Variants in WBP2NL observed in about 807,000 individuals in gnomAD.
WBP2NL encodes postacrosomal sheath WW domain-binding protein.
A neutral mutation model predicts 23.3 loss-of-function variants in WBP2NL; 27 were observed. That is an observed-to-expected ratio of 1.16 (90% CI 0.85 to 1.60). WBP2NL has a LOEUF of 1.60. WBP2NL is among the 40% of genes most tolerant of loss of function. WBP2NL has a pLI of 0.00. For synonymous variants in WBP2NL, 151 were observed against 145.9 expected, an observed-to-expected ratio of 1.03 and a Z score of -0.25; for missense variants, 370 against 389.5, an observed-to-expected ratio of 0.95 and a Z score of 0.42.
chr22:42,047,269 C>CAAAAAAAA (rs140516534), intron 8 of WBP2NL, among the ~76,000 whole-genome samples: 1 of 101,488 alleles, frequency 9.9e-6, no homozygotes, highest in Non-Finnish European at 2.0e-5. Flanking sequence ...TTTTCAAGCT[C>CAAAAAAAA]AAAAAAAAAA....
chr22:42,037,025 C>T (rs1427283626), downstream of WBP2NL, among the ~76,000 whole-genome samples: 1 of 151,798 alleles, frequency 6.6e-6, no homozygotes. Context: ...CAAGGTTTTC[C>T]CAATGTTTTC....
At chr22:42,022,102 T>G in intron 4 of WBP2NL, 147 bp from the exon 5 acceptor site, 3 of 667,288 alleles carry the variant, frequency 4.5e-6, no homozygotes, top group Non-Finnish European at 7.8e-6. Context: ...ACCCAGCCCA[T>G]GTTTCTTTTT....
chr22:42,049,265 A>T (rs780807673), intron 8 of WBP2NL, among the ~76,000 whole-genome samples: 1 of 152,204 alleles, frequency 6.6e-6, no homozygotes, highest in Non-Finnish European at 1.5e-5. Context: ...TAGTCTTCCC[A>T]AGTGGTACTA....
intron 1 of WBP2NL, among the ~76,000 whole-genome samples, chr22:42,010,162 T>C (rs1372574504): frequency 1.3e-5 from 2 of 152,262 alleles, no homozygotes; most frequent in Admixed American, 6.5e-5. Flanking sequence ...TATATGCTGC[T>C]ACTTTACTGA....
chr22:42,021,895 C>A (rs1490068516), intron 4 of WBP2NL, among the ~76,000 whole-genome samples: 1 of 151,176 alleles, frequency 6.6e-6, no homozygotes, highest in Non-Finnish European at 1.5e-5. Flanking sequence ...TTTCCAGGCT[C>A]AAGCAATCCT....
intron 1 of WBP2NL, chr22:42,001,532 C>T: frequency 1.9e-6 from 2 of 1,061,986 alleles, no homozygotes; most frequent in Admixed American, 3.5e-5. Flanking sequence ...TCCAGCTTTG[C>T]CCACATCAGC....
At chr22:42,042,937 C>T (rs1040166519) in intron 8 of WBP2NL, among the ~76,000 whole-genome samples, 5 of 147,374 alleles carry the variant, frequency 3.4e-5, no homozygotes, top group South Asian at 2.1e-4. Context: ...TGGTGGTATA[C>T]ACCTGTAGTC....
In WBP2NL at chr22:42,005,102, G is replaced by A. The variant is rs542358670; in HGVS notation, c.62+6222G>A. Among the ~76,000 whole-genome samples the A allele has an allele frequency of 2.0e-5, 3 of 150,438 alleles. No homozygotes were observed. In the East Asian group the frequency reaches 5.9e-4, roughly 30 times the overall value. On this transcript the variant is annotated intron_variant, in intron 1 of 5. Coordinates refer to ENST00000328823, the MANE Select transcript of WBP2NL (RefSeq NM_152613.3). ...CGTGGTGGTGCGTGCCTGTAATCCC[G>A]GCTACTCAGGAGGCTGAGGCAGGAG...
intron 1 of WBP2NL, among the ~76,000 whole-genome samples, chr22:42,013,229 G>T (rs1376143570): frequency 5.3e-5 from 8 of 151,558 alleles, no homozygotes; most frequent in Non-Finnish European, 1.2e-4. Context: ...AAAATTAGCT[G>T]GGTGTGGTGG....
At chr22:42,018,460 GGAGA>G (rs1324964861) in intron 1 of WBP2NL, among the ~76,000 whole-genome samples, 1 of 147,268 alleles carries the variant, frequency 6.8e-6, no homozygotes, top group Non-Finnish European at 1.5e-5. Flanking sequence ...AAGGAGGGAG[GGAGA>G]AAGAGAAAGA....
chr22:42,028,317 TAACA>T lies in WBP2NL; in HGVS notation c.*1140_*1143del, dbSNP rs1924687366. The T allele has an allele frequency of 1.4e-5, 5 of 362,942 alleles. No homozygotes were observed. The highest frequency in any genetic ancestry group is 9.2e-5 in the Admixed American group (2 of 21,854). The allele number at this position is 362,942 out of a possible 1,614,324, so 22.5% of individuals were successfully genotyped here. ...TTTTATAACAAATATTTATATTTTA[TAACA>T]AACGTTTATATTTGTATATTTATAA... On this transcript the variant is annotated 3_prime_UTR_variant, in exon 6 of 6. Transcript: ENST00000328823.
chr22:42,057,663 T>C (rs1172956481), intron 8 of WBP2NL, among the ~76,000 whole-genome samples: 1 of 151,364 alleles, frequency 6.6e-6, no homozygotes, highest in African/African-American at 2.4e-5. Flanking sequence ...AATGCTTTTA[T>C]GAAGGGAGCA....
At chr22:42,019,924 C>T (rs1923724562) in intron 3 of WBP2NL, 80 bp from the exon 4 acceptor site, 1 of 1,590,764 alleles carries the variant, frequency 6.3e-7, no homozygotes, top group Non-Finnish European at 8.6e-7. Flanking sequence ...TCAGGTAGTG[C>T]TTCCCTTGGT....
downstream of WBP2NL, among the ~76,000 whole-genome samples, chr22:42,035,488 C>T (rs557484377): frequency 3.3e-5 from 5 of 152,384 alleles, no homozygotes; most frequent in East Asian, 9.6e-4. Flanking sequence ...GCGCTTGTCC[C>T]TGGCTTTTGC....
chr22:42,021,551 G>A (rs555365145), intron 4 of WBP2NL, among the ~76,000 whole-genome samples: 2 of 152,294 alleles, frequency 1.3e-5, no homozygotes, highest in Non-Finnish European at 2.9e-5. Flanking sequence ...TCTTATAAGA[G>A]AGATGCAGAG....
intron 1 of WBP2NL, among the ~76,000 whole-genome samples, chr22:42,009,494 T>C (rs1425594875): frequency 1.5e-4 from 23 of 152,244 alleles, no homozygotes; most frequent in Non-Finnish European, 4.4e-5. Flanking sequence ...TTGCATACTA[T>C]GTAAGATAAA....
intron 1 of WBP2NL, among the ~76,000 whole-genome samples, chr22:42,015,647 C>T (rs1923238502): frequency 6.6e-6 from 1 of 152,130 alleles, no homozygotes; most frequent in African/African-American, 2.4e-5. Flanking sequence ...AGGTGATCTG[C>T]CTGCCTCAGC....
At chr22:42,041,719 T>C (rs1925406384) in intron 8 of WBP2NL, among the ~76,000 whole-genome samples, 1 of 152,202 alleles carries the variant, frequency 6.6e-6, no homozygotes, top group Non-Finnish European at 1.5e-5. Context: ...TGTAGTGTTA[T>C]GGGTAAATTG....
intron 8 of WBP2NL, among the ~76,000 whole-genome samples, chr22:42,055,695 G>C (rs187265094): frequency 2.4e-4 from 37 of 152,046 alleles, no homozygotes; most frequent in African/African-American, 8.2e-4. Context: ...AATTGTGTCT[G>C]GTTTTGCTTT....
Sources: allele counts gnomAD v4.1 joint callset (sites outside exome capture counted in the v4.1 genomes callset), GRCh38; gene constraint gnomAD v4.1.1; transcripts MANE v1.5; gene names NCBI Gene and HGNC (gene_info 2026-07-23, HGNC 2026-07-21).